TG: variants seen among roughly 807,000 people sequenced by gnomAD.
The protein encoded by TG is thyroglobulin, also known as thyroid hormones.
Under a neutral mutation model 324.7 loss-of-function variants are expected in TG, and 270 were observed. The ratio of observed to expected loss-of-function variants is 0.83; its 90% CI spans 0.75 to 0.92. The LOEUF is 0.92. Ranked by LOEUF, TG falls within the 40% of genes least tolerant of loss-of-function variation. The pLI, the probability that TG is intolerant of heterozygous loss-of-function variation, is 0.00. For synonymous variants in TG, 1,401 were observed against 1,327.0 expected, an observed-to-expected ratio of 1.06 and a Z score of -1.21; for missense variants, 3,591 against 3,456.4, an observed-to-expected ratio of 1.04 and a Z score of -0.98.
rs2132170894 is a variant in TG, at chr8:132,887,978, C to T, written c.2177-6C>T. 2.5e-6 allele frequency: 4 copies of T among 1,611,802 alleles called. No homozygotes were observed. Among genetic ancestry groups the T allele is most frequent in the East Asian group, 2.2e-5 (1 of 44,738 alleles). On this transcript the variant is annotated splice_region_variant and splice_polypyrimidine_tract_variant and intron_variant, in intron 9 of 47. Coordinates refer to ENST00000220616, the MANE Select transcript of TG (RefSeq NM_003235.5). The stretch of plus-strand genomic sequence containing the variant: ...ACTGAAACACCTGCTCATTGTTCCT[C>T]CCCAGGCCCCACGCCCTGTCAATTA...
At chr8:133,040,444 T>C (rs1369618603) in intron 41 of TG, 2 of 316,550 alleles carry the variant, frequency 6.3e-6, no homozygotes, top group Non-Finnish European at 6.0e-6. Flanking sequence ...CAAGAACGTC[T>C]CTGAGCTTTC....
intron 35 of TG, among the ~76,000 whole-genome samples, chr8:132,994,177 G>A (rs1832654193): frequency 6.6e-6 from 1 of 152,096 alleles, no homozygotes; most frequent in Admixed American, 6.5e-5. Flanking sequence ...CTGAACAGTT[G>A]CCTTGAACAG....
intron 14 of TG, among the ~76,000 whole-genome samples, chr8:132,900,033 C>T (rs1038284767): frequency 9.2e-5 from 14 of 152,180 alleles, no homozygotes; most frequent in Middle Eastern, 3.2e-3. Flanking sequence ...GTCCATGCCT[C>T]ATGAGGCTGT....
intron 26 of TG, among the ~76,000 whole-genome samples, chr8:132,947,017 C>T (rs138013424): frequency 1.4e-4 from 21 of 152,308 alleles, no homozygotes; most frequent in African/African-American, 4.6e-4. Context: ...CAGCCTTCCT[C>T]GAACTCTCCT....
intron 41 of TG, among the ~76,000 whole-genome samples, chr8:133,061,448 G>C (rs1275147786): frequency 2.0e-5 from 3 of 152,194 alleles, no homozygotes; most frequent in African/African-American, 7.2e-5. Flanking sequence ...TTATTACTCT[G>C]TTTACTGATT....
chr8:132,946,057 CA>C, intron 26 of TG, among the ~76,000 whole-genome samples: 1 of 151,910 alleles, frequency 6.6e-6, no homozygotes, highest in South Asian at 2.1e-4. Flanking sequence ...CACACACACA[CA>C]CACACACACA....
rs115224421 is a variant in TG at position 133,106,428 on chromosome 8, G to T, written c.7573-6994G>T. On this transcript the variant is annotated intron_variant, in intron 43 of 47. Transcript: ENST00000220616. The stretch of plus-strand genomic sequence containing the variant: ...CTGGCAGGTCACATTTGCAAACCAG[G>T]ATGGGGAAGCTCTTCTCCCAGGTCC... The T allele has an allele frequency of 2.0e-3, 1,930 of 985,378 alleles. 32 individuals are homozygous for T. In the African/African-American group the frequency reaches 0.032, roughly 16 times the overall value. 61.0% of individuals were successfully genotyped at this position (985,378 alleles called of 1,614,324 possible). A position where few individuals can be genotyped will look rare whatever the true frequency, so the allele number is the denominator to read the frequency against.
chr8:132,870,937 A>G (rs1839429959), intron 3 of TG, among the ~76,000 whole-genome samples: 1 of 152,158 alleles, frequency 6.6e-6, no homozygotes, highest in African/African-American at 2.4e-5. Flanking sequence ...AGATTTCAAC[A>G]TGAGATTTGG....
intron 16 of TG, among the ~76,000 whole-genome samples, chr8:132,904,212 A>G (rs184363527): frequency 6.6e-6 from 1 of 152,316 alleles, no homozygotes; most frequent in Non-Finnish European, 1.5e-5. Context: ...AACGCCTGGG[A>G]GGCCTTTGGG....
At chr8:132,892,494 G>A (rs981437784) in intron 10 of TG, among the ~76,000 whole-genome samples, 4 of 152,214 alleles carry the variant, frequency 2.6e-5, no homozygotes, top group African/African-American at 7.2e-5. Context: ...AGCATGGAGC[G>A]AGTATGAGCT....
At chr8:133,004,703 A>G (rs899107476) in intron 35 of TG, among the ~76,000 whole-genome samples, 4 of 152,170 alleles carry the variant, frequency 2.6e-5, no homozygotes, top group Admixed American at 1.3e-4. Context: ...GAGGGTTGCA[A>G]TGCAGCTGGA....
chr8:132,980,830 A>G (rs1309007634), intron 34 of TG, among the ~76,000 whole-genome samples: 2 of 152,184 alleles, frequency 1.3e-5, no homozygotes, highest in African/African-American at 4.8e-5. Context: ...GTGAGTAAAA[A>G]TAGCTCTTAC....
chr8:132,983,541 G>T (rs1046333386), intron 35 of TG, 129 bp downstream of exon 35: 5 of 951,336 alleles, frequency 5.3e-6, no homozygotes, highest in Admixed American at 1.7e-5. Context: ...CAGCTCCTAT[G>T]AATTAAACAC....
intron 41 of TG, chr8:133,074,722 C>G (rs753548183): frequency 4.1e-5 from 15 of 367,704 alleles, no homozygotes; most frequent in Admixed American, 1.9e-4. Flanking sequence ...CTGGGCTTCT[C>G]TCAAGACATT....
chr8:132,894,331 C>T (rs2132232814), intron 11 of TG, among the ~76,000 whole-genome samples: 1 of 152,270 alleles, frequency 6.6e-6, no homozygotes, highest in East Asian at 1.9e-4. Context: ...TATTAAGTAA[C>T]TATGACACAT....
intron 32 of TG, among the ~76,000 whole-genome samples, chr8:132,970,146 G>C (rs1829296759): frequency 6.6e-6 from 1 of 151,908 alleles, no homozygotes; most frequent in African/African-American, 2.4e-5. Context: ...ACATTGCAGT[G>C]CTCAGAATCT....
At chr8:132,963,105 G>T (rs772821106) in intron 29 of TG, 31 bp downstream of exon 29, 1 of 1,607,536 alleles carries the variant, frequency 6.2e-7, no homozygotes, top group African/African-American at 1.3e-5. Context: ...TTACACACTT[G>T]GGTGTCTGAA....
chr8:133,072,709 G>A (rs1339662066), intron 41 of TG, among the ~76,000 whole-genome samples: 1 of 152,200 alleles, frequency 6.6e-6, no homozygotes, highest in African/African-American at 2.4e-5. Flanking sequence ...CTTTAAAAAG[G>A]CTCATTTCCC....
chr8:132,915,026 A>T (rs1044026022), intron 20 of TG, among the ~76,000 whole-genome samples: 6 of 152,084 alleles, frequency 3.9e-5, no homozygotes, highest in Non-Finnish European at 7.4e-5. Context: ...TGTCTGATGT[A>T]CATATGCATA....
Sources: gnomAD v4.1 joint callset for allele counts (sites outside exome capture counted in the v4.1 genomes callset) on GRCh38, gnomAD v4.1.1 for gene constraint, MANE v1.5 for transcripts, NCBI Gene and HGNC (gene_info 2026-07-23, HGNC 2026-07-21) for gene names.